ATXN1: variants seen among roughly 807,000 people sequenced by gnomAD.
ATXN1 encodes the protein ataxin-1.
Under a neutral mutation model 56.4 loss-of-function variants are expected in ATXN1, and 8 were observed. The ratio of observed to expected loss-of-function variants is 0.14; its 90% CI spans 0.08 to 0.26. The LOEUF is 0.26. Among genes scored for constraint, ATXN1 ranks in the 10% least tolerant of loss-of-function variants. ATXN1 has a pLI of 1.00. For missense variants in ATXN1, 987 were observed against 1,106.5 expected (o/e 0.89, Z 1.53); for synonymous variants, 514 against 494.6 (o/e 1.04, Z -0.52).
At chr6:16,409,786 C>T (rs1337302026) in intron 6 of ATXN1, among the ~76,000 whole-genome samples, 1 of 151,494 alleles carries the variant, frequency 6.6e-6, no homozygotes, top group Admixed American at 6.6e-5. Context: ...TCTTTGCCCC[C>T]CACCCCACAG....
intron 4 of ATXN1, among the ~76,000 whole-genome samples, chr6:16,543,498 C>A (rs1761754522): frequency 6.6e-6 from 1 of 151,678 alleles, no homozygotes; most frequent in Non-Finnish European, 1.5e-5. Flanking sequence ...GAAAGTATGC[C>A]AAGAGAAAAA....
rs75709295 is a variant in ATXN1, at chr6:16,596,572, T to C, written c.-488-10665A>G. On this transcript the variant is annotated intron_variant, in intron 3 of 7. Coordinates refer to ENST00000436367, the MANE Select transcript of ATXN1 (RefSeq NM_001128164.2). ...ATTCCTATGTCACGTTAAAAGTGTGTTGGGCATTTTATCCAGTGACTTAGA... is the reference window on the plus strand; with the variant it reads ...ATTCCTATGTCACGTTAAAAGTGTGCTGGGCATTTTATCCAGTGACTTAGA... Among the ~76,000 whole-genome samples the C allele has an allele frequency of 1.2e-3, 188 of 152,312 alleles. 6 individuals are homozygous for C. In the East Asian group the frequency reaches 0.03, roughly 24 times the overall value.
intron 6 of ATXN1, among the ~76,000 whole-genome samples, chr6:16,388,126 A>C (rs1758278294): frequency 6.6e-6 from 1 of 152,212 alleles, no homozygotes; most frequent in African/African-American, 2.4e-5. Context: ...GGGAGTGTGA[A>C]GATCCCGAGA....
Position 16,326,890 on chromosome 6 carries a change from T to C in ATXN1, c.1421A>G (p.Tyr474Cys). 1.2e-6 allele frequency: 2 copies of C among 1,612,196 alleles called. No homozygotes were observed. Among genetic ancestry groups the C allele is most frequent in the Non-Finnish European group, 1.7e-6 (2 of 1,178,754 alleles). ...CAGGTGCTGGGGCAGGCTGCCGGCG[T>C]AGGTGATTGCTTGCTGCTGGCCGCT... ...YLSGQQQAIT[Y>C]AGSLPQHLVI... The change falls in exon 7 of 8, where the codon TAC becomes TGC. Residue 474 changes from tyrosine (Y) to cysteine (C), a missense_variant. This residue lies in a region of ATXN1 where 723 missense variants were observed against 791.7 expected (regional missense o/e 0.91). Transcript: ENST00000436367. The surrounding 1 kb of genome is among the most constrained non-coding windows in gnomAD (Gnocchi z 6.6).
chr6:16,465,575 AT>A (rs1466539374), intron 6 of ATXN1, among the ~76,000 whole-genome samples: 3 of 152,144 alleles, frequency 2.0e-5, no homozygotes, highest in Non-Finnish European at 4.4e-5. Flanking sequence ...GGAGGATGCA[AT>A]GATTCAGATG....
chr6:16,309,437 A>G (rs1760336978), intron 7 of ATXN1, among the ~76,000 whole-genome samples: 1 of 151,992 alleles, frequency 6.6e-6, no homozygotes, highest in African/African-American at 2.4e-5. Flanking sequence ...TAGAGACAAA[A>G]AGATGGTCAA....
At chr6:16,362,952 G>T (rs574839245) in intron 6 of ATXN1, among the ~76,000 whole-genome samples, 1 of 152,190 alleles carries the variant, frequency 6.6e-6, no homozygotes, top group East Asian at 1.9e-4. Flanking sequence ...TCTTCTAGTT[G>T]CCATGATACC....
Position 16,545,365 on chromosome 6 carries a change from C to T in ATXN1, c.-360-22677G>A, listed in dbSNP as rs533205489. Among the ~76,000 whole-genome samples the T allele has an allele frequency of 2.0e-5, 3 of 150,842 alleles. No individual in the cohort carries two copies. In the East Asian group the frequency reaches 5.8e-4, roughly 29 times the overall value. The stretch of plus-strand genomic sequence containing the variant: ...GAGACAGTTGTATGGGCTAAGAACA[C>T]ATAACATTTTGAGGAAGGATTTCTT... On this transcript the variant is annotated intron_variant, in intron 4 of 7. Coordinates refer to ENST00000436367, the MANE Select transcript of ATXN1 (RefSeq NM_001128164.2).
chr6:16,358,032 C>A (rs968687926), intron 6 of ATXN1, among the ~76,000 whole-genome samples: 1 of 152,092 alleles, frequency 6.6e-6, no homozygotes, highest in African/African-American at 2.4e-5. Context: ...GAAGCTGACA[C>A]TGGGAGAAAT....
intron 6 of ATXN1, among the ~76,000 whole-genome samples, chr6:16,406,277 A>T (rs1758684272): frequency 6.6e-6 from 1 of 152,238 alleles, no homozygotes; most frequent in Admixed American, 6.5e-5. Flanking sequence ...TACCAAGGAG[A>T]ACCCAAGTTA....
chr6:16,485,911 A>G (rs1040922859), intron 6 of ATXN1, 61 bp downstream of exon 6: 1 of 152,220 alleles, frequency 6.6e-6, no homozygotes, highest in African/African-American at 2.4e-5. Context: ...GGTTACATCA[A>G]GTGATTCATG....
intron 4 of ATXN1, among the ~76,000 whole-genome samples, chr6:16,547,713 C>G (rs531580866): frequency 4.6e-5 from 7 of 152,236 alleles, no homozygotes; most frequent in African/African-American, 1.7e-4. Flanking sequence ...TGGCTTTGGG[C>G]AGCATAACTC....
intron 6 of ATXN1, among the ~76,000 whole-genome samples, chr6:16,450,409 G>C (rs914185742): frequency 6.6e-6 from 1 of 152,234 alleles, no homozygotes; most frequent in African/African-American, 2.4e-5. Flanking sequence ...AAGGACAGGA[G>C]CTGAATAGTT....
At position 16,510,020 on chromosome 6, in the gene ATXN1, G is replaced by A. The variant is rs10080748; in HGVS notation, c.-299+12607C>T. Among the ~76,000 whole-genome samples the A allele has an allele frequency of 7.0e-3, 1,068 of 152,164 alleles. 16 individuals are homozygous for A. Among genetic ancestry groups the A allele is most frequent in the African/African-American group, 0.024 (995 of 41,486 alleles). The stretch of plus-strand genomic sequence containing the variant: ...CCAAATCACCTTCTCTGTGGAAATT[G>A]GCCTGATCTTCCCAATCAGAAGTGA... On this transcript the variant is annotated intron_variant, in intron 5 of 7. Coordinates refer to ENST00000436367, the MANE Select transcript of ATXN1 (RefSeq NM_001128164.2).
chr6:16,500,964 T>A (rs1352593577), intron 5 of ATXN1, among the ~76,000 whole-genome samples: 1 of 152,226 alleles, frequency 6.6e-6, no homozygotes, highest in Non-Finnish European at 1.5e-5. Flanking sequence ...GCACATTAAC[T>A]AGCCTTGACA....
chr6:16,675,725 A>T (rs545791726), intron 2 of ATXN1, among the ~76,000 whole-genome samples: 23 of 152,082 alleles, frequency 1.5e-4, no homozygotes, highest in African/African-American at 4.3e-4. Context: ...TACTAAAAAA[A>T]ATATATAAAA....
intron 1 of ATXN1, among the ~76,000 whole-genome samples, chr6:16,759,885 G>A (rs1490182695): frequency 6.6e-6 from 1 of 152,090 alleles, no homozygotes; most frequent in South Asian, 2.1e-4. Flanking sequence ...GCCTGAAGGC[G>A]GGGGGCTGAA....
chr6:16,308,911 A>G (rs1381036302), intron 7 of ATXN1, among the ~76,000 whole-genome samples: 1 of 152,128 alleles, frequency 6.6e-6, no homozygotes, highest in Non-Finnish European at 1.5e-5. Context: ...GAATTTTGAT[A>G]GGAAACTAGA....
At chr6:16,732,432 G>A (rs1338953998) in intron 2 of ATXN1, among the ~76,000 whole-genome samples, 1 of 152,062 alleles carries the variant, frequency 6.6e-6, no homozygotes, top group Non-Finnish European at 1.5e-5. Flanking sequence ...TTAACCAGGC[G>A]TGCTAATGGG....
Sources: gnomAD v4.1 joint callset for allele counts (sites outside exome capture counted in the v4.1 genomes callset) on GRCh38, gnomAD v4.1.1 for gene constraint, gnomAD v4.1.1 regional missense constraint, Gnocchi (gnomAD v3.1) non-coding constraint, MANE v1.5 for transcripts, NCBI Gene and HGNC (gene_info 2026-07-23, HGNC 2026-07-21) for gene names.